Variants in KHDRBS2 observed in about 807,000 individuals in gnomAD.
The protein encoded by KHDRBS2 is KH domain-containing, RNA-binding, signal transduction-associated protein 2.
In KHDRBS2, 26 loss-of-function variants were observed where a neutral mutation model predicts 44.3. The observed-to-expected ratio is 0.59, with a 90% CI of 0.43 to 0.81. KHDRBS2 has a LOEUF of 0.81. KHDRBS2 is among the 40% of genes least tolerant of loss of function. The pLI is 0.00. For synonymous variants in KHDRBS2, 194 were observed against 151.1 expected (o/e 1.28, Z -2.08); for missense variants, 476 against 433.1 (o/e 1.10, Z -0.88).
intron 4 of KHDRBS2, among the ~76,000 whole-genome samples, chr6:61,956,678 C>T (rs1767402415): frequency 6.6e-6 from 1 of 152,118 alleles, no homozygotes; most frequent in South Asian, 2.1e-4. Flanking sequence ...CCATTCTCTG[C>T]ACACCCCTAT....
intron 2 of KHDRBS2, among the ~76,000 whole-genome samples, chr6:62,168,806 C>T (rs1038281638): frequency 8.6e-5 from 13 of 151,734 alleles, no homozygotes; most frequent in African/African-American, 3.1e-4. Flanking sequence ...AGTTCCTATG[C>T]TACAAACAAC....
At chr6:61,802,797 G>T (rs923069548) in intron 6 of KHDRBS2, among the ~76,000 whole-genome samples, 1 of 152,014 alleles carries the variant, frequency 6.6e-6, no homozygotes, top group Non-Finnish European at 1.5e-5. Flanking sequence ...TCATCTACTT[G>T]TCGGCAAATC....
At chr6:61,999,124 G>A (rs1469047636) in intron 3 of KHDRBS2, among the ~76,000 whole-genome samples, 5 of 151,866 alleles carry the variant, frequency 3.3e-5, no homozygotes, top group Admixed American at 3.3e-4. Flanking sequence ...GTAATTGGGA[G>A]GAAAGAAACA....
chr6:62,125,308 T>C (rs1358525917), intron 2 of KHDRBS2, among the ~76,000 whole-genome samples: 6 of 152,174 alleles, frequency 3.9e-5, no homozygotes, highest in Non-Finnish European at 5.9e-5. Context: ...GATTTAGACC[T>C]ACCCAGAGGG....
the KHDRBS2 span, among the ~76,000 whole-genome samples, chr6:61,582,346 A>G: frequency 2.6e-5 from 4 of 151,722 alleles, no homozygotes; most frequent in Non-Finnish European, 4.4e-5. Flanking sequence ...AATTTAAAAC[A>G]ATAATATACA....
At chr6:62,039,536 G>T (rs932001052) in intron 3 of KHDRBS2, among the ~76,000 whole-genome samples, 1 of 151,720 alleles carries the variant, frequency 6.6e-6, no homozygotes, top group Non-Finnish European at 1.5e-5. Flanking sequence ...TAACAATCTG[G>T]TTAAAATAAA....
chr6:61,658,666 AAC>A, the KHDRBS2 span, among the ~76,000 whole-genome samples: 1 of 151,948 alleles, frequency 6.6e-6, no homozygotes, highest in East Asian at 1.9e-4. Flanking sequence ...GTAGTTTTAA[AAC>A]ACACCATGCA....
chr6:61,753,561 C>CT (rs1419635708), intron 6 of KHDRBS2, among the ~76,000 whole-genome samples: 2 of 152,112 alleles, frequency 1.3e-5, no homozygotes, highest in African/African-American at 4.8e-5. Flanking sequence ...TTTTGTGGAT[C>CT]TTTTGCTCAT....
intron 6 of KHDRBS2, among the ~76,000 whole-genome samples, chr6:61,872,486 TG>T (rs540228318): frequency 3.3e-5 from 5 of 152,128 alleles, no homozygotes; most frequent in Admixed American, 3.3e-4. Flanking sequence ...AACAGAATAA[TG>T]ACATTGATAA....
chr6:61,993,577 T>G (rs1206641781), intron 3 of KHDRBS2, among the ~76,000 whole-genome samples: 13 of 147,100 alleles, frequency 8.8e-5, no homozygotes, highest in Middle Eastern at 3.3e-3. Context: ...CAACAGTAAT[T>G]AACATATCTG....
chr6:62,231,355 A>C (rs904306457), intron 1 of KHDRBS2, among the ~76,000 whole-genome samples: 1 of 152,194 alleles, frequency 6.6e-6, no homozygotes, highest in Non-Finnish European at 1.5e-5. Flanking sequence ...TGGCAGCAGG[A>C]GAGAGAAGTT....
intron 2 of KHDRBS2, among the ~76,000 whole-genome samples, chr6:62,071,520 AC>A (rs1795083345): frequency 6.6e-6 from 1 of 152,140 alleles, no homozygotes; most frequent in Non-Finnish European, 1.5e-5. Context: ...TTTTTGTACA[AC>A]TTGTAAGGAA....
At chr6:62,113,455 C>T (rs1188222310) in intron 2 of KHDRBS2, among the ~76,000 whole-genome samples, 1 of 152,010 alleles carries the variant, frequency 6.6e-6, no homozygotes, top group Non-Finnish European at 1.5e-5. Flanking sequence ...GGTATTTAGG[C>T]TTAATATATG....
intron 1 of KHDRBS2, among the ~76,000 whole-genome samples, chr6:62,255,778 A>G (rs941542134): frequency 6.6e-6 from 1 of 151,976 alleles, no homozygotes; most frequent in African/African-American, 2.4e-5. Flanking sequence ...AGGTAAAACC[A>G]TCCTATACGC....
chr6:61,626,922 C>T, the KHDRBS2 span, among the ~76,000 whole-genome samples: 18 of 152,008 alleles, frequency 1.2e-4, no homozygotes, highest in African/African-American at 4.1e-4. Context: ...CCTGAAAGAG[C>T]TAAGAGTTAC....
chr6:62,146,939 A>C (rs1480622176), intron 2 of KHDRBS2, among the ~76,000 whole-genome samples: 1 of 151,924 alleles, frequency 6.6e-6, no homozygotes, highest in Non-Finnish European at 1.5e-5. Context: ...TGTGGATATG[A>C]GCAGCTCCCA....
At chr6:62,149,363 C>T (rs1397180336) in intron 2 of KHDRBS2, among the ~76,000 whole-genome samples, 1 of 152,076 alleles carries the variant, frequency 6.6e-6, no homozygotes, top group Non-Finnish European at 1.5e-5. Context: ...AATTCCTAAA[C>T]ATCTCAAATG....
At chr6:61,893,163 G>T (rs1802293005) in intron 6 of KHDRBS2, among the ~76,000 whole-genome samples, 5 of 152,154 alleles carry the variant, frequency 3.3e-5, no homozygotes, top group Admixed American at 3.3e-4. Context: ...CATCATCATT[G>T]GCCATCAAGG....
chr6:61,652,017 A>G, the KHDRBS2 span, among the ~76,000 whole-genome samples: 7 of 152,090 alleles, frequency 4.6e-5, no homozygotes, highest in African/African-American at 1.7e-4. Flanking sequence ...GTAAAAACAA[A>G]CTGAGACATC....
Sources: gnomAD v4.1 joint callset for allele counts (sites outside exome capture counted in the v4.1 genomes callset) on GRCh38, gnomAD v4.1.1 for gene constraint, MANE v1.5 for transcripts, NCBI Gene and HGNC (gene_info 2026-07-23, HGNC 2026-07-21) for gene names.